The following DGKZ variants were observed in gnomAD, a reference collection of about 807,000 sequenced individuals.
DGKZ encodes the protein DAG kinase zeta.
DGKZ carries 45 observed loss-of-function variants against 142.5 expected under a neutral mutation model. That is an observed-to-expected ratio of 0.32 (90% CI 0.25 to 0.40). The LOEUF is 0.40. Among genes scored for constraint, DGKZ ranks in the 10% least tolerant of loss-of-function variants. DGKZ has a pLI of 1.00. For missense variants in DGKZ, 755 were observed against 1,306.5 expected, an observed-to-expected ratio of 0.58 and a Z score of 6.51; for synonymous variants, 442 against 527.0, an observed-to-expected ratio of 0.84 and a Z score of 2.21.
At chr11:46,375,118 C>T in intron 19 of DGKZ, 73 bp downstream of exon 19, 1 of 1,377,510 alleles carries the variant, frequency 7.3e-7, no homozygotes, top group Non-Finnish European at 9.7e-7. Context: ...TACTCACCTC[C>T]ATGGGCCACG....
chr11:46,354,919 A>C (rs1941827515), intron 1 of DGKZ, among the ~76,000 whole-genome samples: 1 of 152,184 alleles, frequency 6.6e-6, no homozygotes, highest in South Asian at 2.1e-4. Context: ...GTGTAACAGC[A>C]GCTTATTTGC....
At chr11:46,355,038 G>A (rs1001356203) in intron 1 of DGKZ, among the ~76,000 whole-genome samples, 2 of 152,340 alleles carry the variant, frequency 1.3e-5, no homozygotes, top group Non-Finnish European at 2.9e-5. Context: ...TGTATTTTCA[G>A]CTTAGACAGA....
intron 1 of DGKZ, chr11:46,364,316 G>T: frequency 8.0e-7 from 1 of 1,255,760 alleles, no homozygotes; most frequent in African/African-American, 1.5e-5. Flanking sequence ...TGCAGTTTAT[G>T]AAATGATCTA....
At chr11:46,375,129 GCGGCCTAGTTCA>G (rs2136500823) in intron 19 of DGKZ, 84 bp downstream of exon 19, 1 of 1,303,458 alleles carries the variant, frequency 7.7e-7, no homozygotes, top group East Asian at 2.5e-5. Flanking sequence ...ATGGGCCACG[GCGGCCTAGTTCA>G]CCCTCACCTC....
chr11:46,335,220 A>G lies in DGKZ; in HGVS notation c.212+1733A>G, dbSNP rs547636303. ...TCCCAGCTACTCGGAAGCCTGAGAC[A>G]GGAGAATCACTTGAACCTGGGAGGC... On this transcript the variant is annotated intron_variant, in intron 1 of 30. Coordinates refer to the DGKZ transcript ENST00000343674. Among the ~76,000 whole-genome samples, 3 of 152,164 alleles carry G rather than the reference A, an allele frequency of 2.0e-5. No individual in the cohort carries two copies. The East Asian group carries it at 5.8e-4, about 29-fold the overall frequency.
At position 46,347,941 on chromosome 11, in the gene DGKZ, G is replaced by C. The variant is rs1940868263; in HGVS notation, c.161+121G>C. On this transcript the variant is annotated intron_variant, in intron 1 of 30. Transcript: ENST00000527911. This position sits in a 1 kb window ranked among gnomAD's most constrained non-coding sequence, Gnocchi z 6.4. ...TTCGGTACTGACACTGAGTCGGGGAGAGGCTGGCACCGGCGGCACGAGCCG... is the reference window on the plus strand; with the variant it reads ...TTCGGTACTGACACTGAGTCGGGGACAGGCTGGCACCGGCGGCACGAGCCG... 1.3e-5 allele frequency: 16 copies of C among 1,227,880 alleles called. No individual in the cohort carries two copies. Among genetic ancestry groups the C allele is most frequent in the Non-Finnish European group, 1.6e-5 (16 of 976,778 alleles). The allele number at this position is 1,227,880 out of a possible 1,614,324, so 76.1% of individuals were successfully genotyped here.
chr11:46,334,693 C>T (rs1400618309), intron 1 of DGKZ, among the ~76,000 whole-genome samples: 1 of 152,166 alleles, frequency 6.6e-6, no homozygotes, highest in African/African-American at 2.4e-5. Context: ...TACTAGAAAT[C>T]GTGGGTACAC....
At chr11:46,345,140 G>A (rs988619500), upstream of DGKZ, 7 of 639,460 alleles carry the variant, frequency 1.1e-5, no homozygotes, top group Non-Finnish European at 1.1e-5. This position sits in a 1 kb window ranked among gnomAD's most constrained non-coding sequence, Gnocchi z 4.1. Flanking sequence ...CAGTTTAAAT[G>A]GAGAGGAAAA....
At chr11:46,352,393 G>A (rs576479610) in intron 1 of DGKZ, among the ~76,000 whole-genome samples, 143 of 152,180 alleles carry the variant, frequency 9.4e-4, no homozygotes, top group Non-Finnish European at 1.6e-3. Context: ...ACAGGCACTC[G>A]CTGGAAGTTA....
At chr11:46,379,873 G>A in exon 31 of DGKZ, 1 of 1,610,598 alleles carries the variant, frequency 6.2e-7, no homozygotes, top group East Asian at 2.2e-5. Flanking sequence ...TCAGGACACC[G>A]AGCTGGCCGC....
intron 21 of DGKZ, 36 bp from the exon 22 acceptor site, chr11:46,376,030 G>T: frequency 1.2e-6 from 2 of 1,611,912 alleles, no homozygotes; most frequent in Non-Finnish European, 1.7e-6. Context: ...GGGCTGTGGG[G>T]TGCAGCCAGC....
chr11:46,373,159 T>C, intron 14 of DGKZ, 58 bp downstream of exon 14: 1 of 1,488,814 alleles, frequency 6.7e-7, no homozygotes, highest in Non-Finnish European at 8.9e-7. Flanking sequence ...GGATCCCACT[T>C]TTCCACTTGC....
chr11:46,349,819 C>T (rs556203819), intron 1 of DGKZ, among the ~76,000 whole-genome samples: 1 of 152,350 alleles, frequency 6.6e-6, no homozygotes, highest in Admixed American at 6.5e-5. Flanking sequence ...CCAAAATCCA[C>T]ATCCCTTTCT....
Position 46,333,420 on chromosome 11 carries a change from ACGGCC to A in DGKZ, c.146_150del (p.Thr49SerfsTer120). Reference sequence around the variant, plus strand: ...GCCCTGGCCCGAGGGTTCCCGGGGCACGGCCGCTGGGCCCCCGGTGGAGGAGCGTT... The same window carrying A: ...GCCCTGGCCCGAGGGTTCCCGGGGCAGCTGGGCCCCCGGTGGAGGAGCGTT... On this transcript the variant is annotated frameshift_variant, in exon 1 of 31. Coordinates refer to the DGKZ transcript ENST00000343674. LOFTEE classifies it high-confidence loss of function. 1 of 1,523,136 alleles carries A rather than the reference ACGGCC, an allele frequency of 6.6e-7. No individual in the cohort carries two copies. Among genetic ancestry groups the A allele is most frequent in the Non-Finnish European group, 8.8e-7 (1 of 1,136,832 alleles). 94.4% of individuals were successfully genotyped at this position (1,523,136 alleles called of 1,614,324 possible). A position where few individuals can be genotyped will look rare whatever the true frequency, so the allele number is the denominator to read the frequency against.
chr11:46,366,928 C>T lies in DGKZ; in HGVS notation c.162-363C>T, dbSNP rs889310595. ...GTGTGCGCCCACTGTCCCGCAGGCG[C>T]CAGGTAGCCCTACGGCGCAAGGCGG... On this transcript the variant is annotated intron_variant, in intron 1 of 30. Coordinates refer to ENST00000527911, the Ensembl canonical transcript of DGKZ. 6.5e-7 allele frequency: 1 copy of T among 1,542,996 alleles called. No homozygotes were observed. Among genetic ancestry groups the T allele is most frequent in the Non-Finnish European group, 8.7e-7 (1 of 1,151,302 alleles).
chr11:46,349,535 A>G (rs1321962545), intron 1 of DGKZ, among the ~76,000 whole-genome samples: 1 of 151,268 alleles, frequency 6.6e-6, no homozygotes, highest in African/African-American at 2.5e-5. Context: ...TAAGCAGGGT[A>G]GGTGGTATTC....
rs1590643674 is a variant in DGKZ at position 46,377,678 on chromosome 11, C to A, written c.2342+466C>A. 2.2e-5 allele frequency: 5 copies of A among 223,234 alleles called. No homozygotes were observed. In the East Asian group the frequency reaches 5.6e-4, roughly 25 times the overall value. 13.8% of individuals were successfully genotyped at this position (223,234 alleles called of 1,614,324 possible). A position where few individuals can be genotyped will look rare whatever the true frequency, so the allele number is the denominator to read the frequency against. On this transcript the variant is annotated intron_variant, in intron 25 of 30. Coordinates refer to ENST00000527911, the Ensembl canonical transcript of DGKZ. ...CCTTTGGACGTGGATTCTCCCCAGG[C>A]CCCCCGTCATTGCACTGGGCTCCCA...
intron 5 of DGKZ, 95 bp from the exon 6 acceptor site, chr11:46,369,846 T>C: frequency 7.4e-7 from 1 of 1,359,988 alleles, no homozygotes; most frequent in Non-Finnish European, 1.0e-6. Flanking sequence ...GCAGAGCGCT[T>C]CCTGCAGCCC....
At chr11:46,333,083 C>A in exon 1 of DGKZ, 2 of 422,590 alleles carry the variant, frequency 4.7e-6, no homozygotes, top group Non-Finnish European at 7.7e-6. Flanking sequence ...AGGACCCCGG[C>A]CCGCCTCTCC....
Sources: allele counts gnomAD v4.1 joint callset (sites outside exome capture counted in the v4.1 genomes callset), GRCh38; gene constraint gnomAD v4.1.1; non-coding constraint Gnocchi (gnomAD v3.1); transcripts MANE v1.5; gene names NCBI Gene and HGNC (gene_info 2026-07-23, HGNC 2026-07-21).